ANKS1B: variants seen among roughly 807,000 people sequenced by gnomAD.
ANKS1B encodes ankyrin repeat and sterile alpha motif domain-containing protein 1B.
Under a neutral mutation model 148.3 loss-of-function variants are expected in ANKS1B, and 36 were observed. The ratio of observed to expected loss-of-function variants is 0.24; its 90% CI spans 0.19 to 0.32. The LOEUF is 0.32. Among genes scored for constraint, ANKS1B ranks in the 10% least tolerant of loss-of-function variants. The probability of loss-of-function intolerance (pLI) is 1.00; values close to 1 mark genes in which losing one functional copy is unlikely to be tolerated. For missense variants in ANKS1B, 1,157 were observed against 1,542.6 expected, an observed-to-expected ratio of 0.75 and a Z score of 4.19; for synonymous variants, 542 against 560.8, an observed-to-expected ratio of 0.97 and a Z score of 0.47.
chr12:99,047,286 G>A (rs2099963129), intron 17 of ANKS1B, among the ~76,000 whole-genome samples: 2 of 152,096 alleles, frequency 1.3e-5, no homozygotes, highest in Admixed American at 6.6e-5. Context: ...TGCAGTCCCA[G>A]CTACTTGAGA....
intron 9 of ANKS1B, among the ~76,000 whole-genome samples, chr12:99,622,311 T>C (rs2098063357): frequency 6.6e-6 from 1 of 151,804 alleles, no homozygotes; most frequent in Non-Finnish European, 1.5e-5. Flanking sequence ...AAATTAACAA[T>C]GTAATATCAC....
chr12:99,427,719 T>C (rs993542659), intron 11 of ANKS1B, among the ~76,000 whole-genome samples: 7 of 152,214 alleles, frequency 4.6e-5, no homozygotes, highest in Non-Finnish European at 1.0e-4. Context: ...GCCTGGTAAA[T>C]AGAGCACACT....
chr12:99,871,174 G>A (rs1263765056), intron 1 of ANKS1B, among the ~76,000 whole-genome samples: 1 of 152,110 alleles, frequency 6.6e-6, no homozygotes, highest in Non-Finnish European at 1.5e-5. Flanking sequence ...GTTGAATAGG[G>A]AGTCCTTTCC....
intron 4 of ANKS1B, among the ~76,000 whole-genome samples, chr12:99,796,852 T>C (rs1205609249): frequency 6.6e-6 from 1 of 151,944 alleles, no homozygotes; most frequent in Non-Finnish European, 1.5e-5. Context: ...AAAAATGCTA[T>C]GTTAAGTAGA....
chr12:99,606,643 A>T (rs1443725666), intron 9 of ANKS1B, among the ~76,000 whole-genome samples: 5 of 152,134 alleles, frequency 3.3e-5, no homozygotes, highest in Non-Finnish European at 7.4e-5. Flanking sequence ...GAAATAACTC[A>T]GACAATTAAT....
At chr12:99,680,156 G>C (rs2098605751) in intron 8 of ANKS1B, among the ~76,000 whole-genome samples, 1 of 152,082 alleles carries the variant, frequency 6.6e-6, no homozygotes, top group Non-Finnish European at 1.5e-5. Flanking sequence ...AGTAGAAGAA[G>C]CAGGCCAGGT....
intron 16 of ANKS1B, among the ~76,000 whole-genome samples, chr12:99,082,936 G>C (rs1264773140): frequency 6.6e-6 from 1 of 152,144 alleles, no homozygotes; most frequent in Non-Finnish European, 1.5e-5. Flanking sequence ...AGCCATTGCT[G>C]AAAGTGAGAA....
At position 99,298,417 on chromosome 12, in the gene ANKS1B, G is replaced by A. The variant is rs995288030; in HGVS notation, c.1757-51553C>T. The stretch of plus-strand genomic sequence containing the variant: ...TTCCCCAACACATGTCCTCTTGTCT[G>A]CCACCATGTAAGATGTATCTTGCTT... On this transcript the variant is annotated intron_variant, in intron 12 of 26. Coordinates refer to ENST00000683438, the MANE Select transcript of ANKS1B (RefSeq NM_001352186.2). Among the ~76,000 whole-genome samples, 5 of 152,242 alleles carry A rather than the reference G, an allele frequency of 3.3e-5. No individual in the cohort carries two copies. The East Asian group carries it at 5.8e-4, about 18-fold the overall frequency.
At chr12:99,866,061 A>C (rs2090712398) in intron 1 of ANKS1B, among the ~76,000 whole-genome samples, 1 of 152,186 alleles carries the variant, frequency 6.6e-6, no homozygotes, top group African/African-American at 2.4e-5. Flanking sequence ...GCGCTCCAAC[A>C]AAACTATTGT....
intron 19 of ANKS1B, among the ~76,000 whole-genome samples, chr12:98,809,424 A>T (rs761623167): frequency 6.6e-6 from 1 of 152,220 alleles, no homozygotes; most frequent in Non-Finnish European, 1.5e-5. Context: ...TACACAAATC[A>T]CATCTTCTGC....
At chr12:99,309,516 G>T (rs539058259) in intron 12 of ANKS1B, among the ~76,000 whole-genome samples, 7 of 152,128 alleles carry the variant, frequency 4.6e-5, no homozygotes, top group Admixed American at 1.3e-4. Flanking sequence ...CACTAAGTGT[G>T]AGTCTTGTCT....
At chr12:99,568,767 T>C (rs1171712134) in intron 9 of ANKS1B, among the ~76,000 whole-genome samples, 2 of 152,132 alleles carry the variant, frequency 1.3e-5, no homozygotes, top group African/African-American at 2.4e-5. Flanking sequence ...ATCCTTGCAA[T>C]TGTCAAATAA....
At chr12:98,839,201 C>T (rs772971754) in intron 17 of ANKS1B, among the ~76,000 whole-genome samples, 3 of 152,184 alleles carry the variant, frequency 2.0e-5, no homozygotes, top group Non-Finnish European at 4.4e-5. Flanking sequence ...CAATAACAGT[C>T]TTATTCAACA....
intron 8 of ANKS1B, among the ~76,000 whole-genome samples, chr12:99,748,394 G>C (rs1222260925): frequency 6.6e-6 from 1 of 151,138 alleles, no homozygotes; most frequent in South Asian, 2.1e-4. Flanking sequence ...CCTAAAATTG[G>C]CTTGAGAACT....
intron 9 of ANKS1B, among the ~76,000 whole-genome samples, chr12:99,615,356 A>C (rs1025056885): frequency 6.6e-6 from 1 of 152,176 alleles, no homozygotes; most frequent in African/African-American, 2.4e-5. Context: ...CAATAGTTAA[A>C]AAAAATGAAC....
intron 9 of ANKS1B, among the ~76,000 whole-genome samples, chr12:99,622,428 A>C (rs1248474094): frequency 6.6e-6 from 1 of 152,004 alleles, no homozygotes; most frequent in African/African-American, 2.4e-5. Flanking sequence ...CCCAAAAGTC[A>C]TAAAAATAAT....
At chr12:99,896,230 C>A (rs549132343) in intron 1 of ANKS1B, among the ~76,000 whole-genome samples, 1 of 151,356 alleles carries the variant, frequency 6.6e-6, no homozygotes. Flanking sequence ...TGACCTCCAT[C>A]TGCCCATTTC....
intron 17 of ANKS1B, among the ~76,000 whole-genome samples, chr12:98,921,650 G>A (rs2099801591): frequency 1.3e-5 from 2 of 152,010 alleles, no homozygotes; most frequent in Non-Finnish European, 2.9e-5. Flanking sequence ...TGGACTAGAA[G>A]GGTTCCTGGG....
intron 11 of ANKS1B, among the ~76,000 whole-genome samples, chr12:99,414,118 CT>C (rs35133605): frequency 2.5e-4 from 37 of 146,796 alleles, no homozygotes; most frequent in Non-Finnish European, 2.1e-4. Flanking sequence ...AGCAGTTATA[CT>C]TTTTTTTTTT....
Sources: gnomAD v4.1 joint callset for allele counts (sites outside exome capture counted in the v4.1 genomes callset) on GRCh38, gnomAD v4.1.1 for gene constraint, MANE v1.5 for transcripts, NCBI Gene and HGNC (gene_info 2026-07-23, HGNC 2026-07-21) for gene names.